Variants in CPEB1 observed in about 807,000 individuals in gnomAD.
CPEB1 encodes cytoplasmic polyadenylation element binding protein 1.
In CPEB1, 7 loss-of-function variants were observed where a neutral mutation model predicts 65.8. The ratio of observed to expected loss-of-function variants is 0.11; its 90% CI spans 0.06 to 0.20. The LOEUF (loss-of-function observed/expected upper bound fraction) is 0.20, where lower values mean the gene tolerates loss of function less well. CPEB1 is among the 10% of genes least tolerant of loss of function. The probability of loss-of-function intolerance (pLI) is 1.00; values close to 1 mark genes in which losing one functional copy is unlikely to be tolerated. For synonymous variants in CPEB1, 262 were observed against 260.0 expected (o/e 1.01, Z -0.08); for missense variants, 551 against 712.2 (o/e 0.77, Z 2.58).
chr15:82,588,654 G>A (rs1400587646), intron 3 of CPEB1, among the ~76,000 whole-genome samples: 1 of 152,064 alleles, frequency 6.6e-6, no homozygotes, highest in East Asian at 1.9e-4. Flanking sequence ...CATTGATCTT[G>A]ACTTACTTGG....
intron 3 of CPEB1, among the ~76,000 whole-genome samples, chr15:82,597,626 G>A (rs928344989): frequency 1.3e-5 from 2 of 152,322 alleles, no homozygotes; most frequent in South Asian, 2.1e-4. Flanking sequence ...TGGGAAAGGA[G>A]GAGAGACAAG....
At chr15:82,584,258 CAAAAAAAAAAA>C (rs71156038) in intron 3 of CPEB1, among the ~76,000 whole-genome samples, 1 of 53,288 alleles carries the variant, frequency 1.9e-5, no homozygotes. Flanking sequence ...GACTCCGTCT[CAAAAAAAAAAA>C]AAAAAAAAAA....
Position 82,606,752 on chromosome 15 carries a change from A to C in CPEB1, c.271+20441T>G, listed in dbSNP as rs1411710096. On this transcript the variant is annotated intron_variant, in intron 3 of 12. Coordinates refer to ENST00000684509, the MANE Select transcript of CPEB1 (RefSeq NM_001365242.1). Reference sequence around the variant, plus strand: ...AGAATGGCGTGAACCCGGGAGGCGGAGCTTGCAGTGAGCCGAGATCCCGCC... The same window carrying C: ...AGAATGGCGTGAACCCGGGAGGCGGCGCTTGCAGTGAGCCGAGATCCCGCC... Among the ~76,000 whole-genome samples, 8 of 59,864 alleles carry C rather than the reference A, an allele frequency of 1.3e-4. 2 individuals carry two copies. The highest frequency in any genetic ancestry group is 6.0e-4 in the African/African-American group (8 of 13,358). The allele number at this position is 59,864 out of a possible 152,430, so 39.3% of individuals were successfully genotyped here.
At chr15:82,647,557 G>A (rs1000786913), upstream of CPEB1, 3 of 304,354 alleles carry the variant, frequency 9.9e-6, no homozygotes, top group Non-Finnish European at 1.8e-5. Context: ...CGTCTGGACA[G>A]ACGCTCGAGG....
rs2150900600 is a variant in CPEB1, at chr15:82,543,876, C to A, written c.*716G>T. On this transcript the variant is annotated 3_prime_UTR_variant, in exon 13 of 13. Transcript: ENST00000684509. ...GATTTGCAACTGTGAGAAACAGTGA[C>A]CAGCAGTCCCCCAGACACAAATTTG... is the stretch of plus-strand genomic sequence containing the variant. The A allele has an allele frequency of 6.6e-6, 1 of 152,240 alleles. No individual in the cohort carries two copies. Among genetic ancestry groups the A allele is most frequent in the East Asian group, 1.9e-4 (1 of 5,186 alleles). 9.4% of individuals were successfully genotyped at this position (152,240 alleles called of 1,614,324 possible).
intron 9 of CPEB1, among the ~76,000 whole-genome samples, chr15:82,551,745 C>A (rs2036298749): frequency 6.6e-6 from 1 of 152,186 alleles, no homozygotes; most frequent in African/African-American, 2.4e-5. Context: ...GAGCTCAAAA[C>A]TTGCTTTGAC....
intron 3 of CPEB1, among the ~76,000 whole-genome samples, chr15:82,617,709 A>G (rs963783123): frequency 5.1e-5 from 7 of 138,542 alleles, no homozygotes; most frequent in Admixed American, 2.9e-4. Flanking sequence ...ATTAATTGTT[A>G]TTAATTCTAT....
rs1487927897 is a variant in CPEB1 at position 82,619,816 on chromosome 15, ACAC to A, written c.271+7374_271+7376del. 7.2e-5 allele frequency among the ~76,000 whole-genome samples: 11 copies of A among 152,322 alleles called. No homozygotes were observed. The East Asian group carries it at 1.9e-3, about 27-fold the overall frequency. ...GATATGAAACAACCCAAACCATCGTACACCACTGGAAGTGTAAACTGGTATAAC... is the reference window on the plus strand; with the variant it reads ...GATATGAAACAACCCAAACCATCGTACACTGGAAGTGTAAACTGGTATAAC... On this transcript the variant is annotated intron_variant, in intron 3 of 12. Transcript: ENST00000684509.
At chr15:82,629,330 G>A in intron 1 of CPEB1, 2 of 984,684 alleles carry the variant, frequency 2.0e-6, no homozygotes, top group Non-Finnish European at 1.2e-6. Flanking sequence ...TACCAACAGT[G>A]GTAAAACCAC....
chr15:82,628,707 C>T, intron 1 of CPEB1, 151 bp from the exon 2 acceptor site: 1 of 465,308 alleles, frequency 2.1e-6, no homozygotes. Flanking sequence ...TCCACCTTTG[C>T]CACCCCTGAG....
intron 1 of CPEB1, among the ~76,000 whole-genome samples, chr15:82,644,781 C>A (rs773740991): frequency 9.2e-5 from 14 of 152,132 alleles, no homozygotes; most frequent in Non-Finnish European, 1.8e-4. Flanking sequence ...GAGTTTGCAA[C>A]CCATTTTAAA....
At chr15:82,572,919 G>A in intron 3 of CPEB1, 1 of 1,012,902 alleles carries the variant, frequency 9.9e-7, no homozygotes, top group South Asian at 2.2e-5. Context: ...TCCCACATCG[G>A]TCCTTTTCCA....
At chr15:82,604,297 C>G (rs990282828) in intron 3 of CPEB1, among the ~76,000 whole-genome samples, 3 of 152,144 alleles carry the variant, frequency 2.0e-5, no homozygotes, top group Non-Finnish European at 4.4e-5. Context: ...TCCTGGCTAA[C>G]AGGGTGAAAC....
At chr15:82,555,512 G>C (rs965188604) in intron 6 of CPEB1, among the ~76,000 whole-genome samples, 1 of 152,180 alleles carries the variant, frequency 6.6e-6, no homozygotes, top group Non-Finnish European at 1.5e-5. Context: ...CAAAATTCTG[G>C]ATATCCCTTC....
intron 3 of CPEB1, among the ~76,000 whole-genome samples, chr15:82,578,722 A>G (rs953110369): frequency 2.0e-5 from 3 of 152,142 alleles, no homozygotes; most frequent in Admixed American, 2.0e-4. Flanking sequence ...ATGCCACTGC[A>G]CTCCAGCCTG....
chr15:82,623,014 G>T (rs1038562977), intron 3 of CPEB1, among the ~76,000 whole-genome samples: 2 of 152,156 alleles, frequency 1.3e-5, no homozygotes, highest in Non-Finnish European at 2.9e-5. Context: ...GGAGGTATCT[G>T]GTCCCACCTC....
intron 3 of CPEB1, among the ~76,000 whole-genome samples, chr15:82,578,825 T>C (rs760163060): frequency 1.3e-5 from 2 of 152,108 alleles, no homozygotes; most frequent in African/African-American, 2.4e-5. Flanking sequence ...AAATTACATG[T>C]TTTTTTGTTT....
chr15:82,642,566 A>G (rs2047196547), intron 1 of CPEB1, among the ~76,000 whole-genome samples: 1 of 152,164 alleles, frequency 6.6e-6, no homozygotes, highest in African/African-American at 2.4e-5. Context: ...CCTTAATAAT[A>G]AAATCTTAAA....
At chr15:82,624,889 G>A (rs2045625382) in intron 3 of CPEB1, among the ~76,000 whole-genome samples, 1 of 151,606 alleles carries the variant, frequency 6.6e-6, no homozygotes, top group African/African-American at 2.4e-5. Context: ...CCAGGCTGTA[G>A]TACAGTGCCA....
Sources: gnomAD v4.1 joint callset for allele counts (sites outside exome capture counted in the v4.1 genomes callset) on GRCh38, gnomAD v4.1.1 for gene constraint, MANE v1.5 for transcripts, NCBI Gene and HGNC (gene_info 2026-07-23, HGNC 2026-07-21) for gene names.